Variants in FOXO1 observed in about 807,000 individuals in gnomAD.
FOXO1 encodes the protein forkhead box O1.
FOXO1 carries 6 observed loss-of-function variants against 44.1 expected under a neutral mutation model. The observed-to-expected ratio is 0.14, with a 90% CI of 0.07 to 0.27. The LOEUF (loss-of-function observed/expected upper bound fraction) is 0.27, where lower values mean the gene tolerates loss of function less well. Ranked by LOEUF, FOXO1 falls within the 10% of genes least tolerant of loss-of-function variation. The probability of loss-of-function intolerance (pLI) is 1.00; values close to 1 mark genes in which losing one functional copy is unlikely to be tolerated. For missense variants in FOXO1, 737 were observed against 888.8 expected (o/e 0.83, Z 2.17); for synonymous variants, 380 against 362.7 (o/e 1.05, Z -0.54).
intron 1 of FOXO1, among the ~76,000 whole-genome samples, chr13:40,664,616 A>C (rs1264213866): frequency 1.3e-5 from 2 of 152,084 alleles, no homozygotes; most frequent in Non-Finnish European, 2.9e-5. Context: ...GTGGCAAGGC[A>C]GGAAAAGACT....
chr13:40,597,284 C>T (rs1566071070), intron 1 of FOXO1, among the ~76,000 whole-genome samples: 1 of 152,188 alleles, frequency 6.6e-6, no homozygotes, highest in Non-Finnish European at 1.5e-5. Context: ...AAGACAAAGG[C>T]TATTGGAGTT....
intron 1 of FOXO1, among the ~76,000 whole-genome samples, chr13:40,589,015 GA>G (rs1875275203): frequency 6.6e-6 from 1 of 152,130 alleles, no homozygotes; most frequent in Admixed American, 6.5e-5. Flanking sequence ...TGAGGCACAA[GA>G]ATCACTTGAA....
chr13:40,648,526 G>GC (rs1329170543), intron 1 of FOXO1, among the ~76,000 whole-genome samples: 1 of 152,190 alleles, frequency 6.6e-6, no homozygotes, highest in African/African-American at 2.4e-5. Context: ...TCCATAAAAA[G>GC]CATGTGCATT....
intron 1 of FOXO1, among the ~76,000 whole-genome samples, chr13:40,578,669 A>G (rs1231359244): frequency 6.6e-6 from 1 of 152,182 alleles, no homozygotes; most frequent in Non-Finnish European, 1.5e-5. Flanking sequence ...TCTACAAAAT[A>G]ATGGTTCCTT....
At chr13:40,637,443 CAAAAAAAAAAA>C (rs894457880) in intron 1 of FOXO1, among the ~76,000 whole-genome samples, 1 of 52,578 alleles carries the variant, frequency 1.9e-5, no homozygotes, top group Non-Finnish European at 3.7e-5. Flanking sequence ...GACTCCATCA[CAAAAAAAAAAA>C]AAAAAAAAAA....
chr13:40,666,078 C>G lies in FOXO1; in HGVS notation c.135G>C (p.Ser45=). Reference sequence around the variant, plus strand: ...CGTCGGGGTTGGCAGCCGCGCTGCCCGACGGCGCCGGGCTGGAGGTGGCCG... The same window carrying G: ...CGTCGGGGTTGGCAGCCGCGCTGCCGGACGGCGCCGGGCTGGAGGTGGCCG... ...SNSATSSPAP[S]GSAAANPDAA... Residue 45 remains serine, a synonymous_variant, in exon 1 of 3, where the codon TCG becomes TCC. Transcript: ENST00000379561. The G allele has an allele frequency of 7.5e-7, 1 of 1,338,724 alleles. No individual in the cohort carries two copies. Among genetic ancestry groups the G allele is most frequent in the Non-Finnish European group, 9.6e-7 (1 of 1,046,870 alleles). The allele number at this position is 1,338,724 out of a possible 1,614,324, so 82.9% of individuals were successfully genotyped here.
At chr13:40,640,801 G>GTTGTT (rs1566082743) in intron 1 of FOXO1, among the ~76,000 whole-genome samples, 2 of 136,568 alleles carry the variant, frequency 1.5e-5, no homozygotes, top group African/African-American at 5.9e-5. Context: ...GTTGTTGTTT[G>GTTGTT]AGACAGAGTT....
chr13:40,563,953 A>G (rs1874154523), intron 1 of FOXO1, among the ~76,000 whole-genome samples: 1 of 152,200 alleles, frequency 6.6e-6, no homozygotes, highest in South Asian at 2.1e-4. Context: ...ATATTCCATC[A>G]TGACAGTTTT....
intron 1 of FOXO1, among the ~76,000 whole-genome samples, chr13:40,643,448 G>A (rs527436867): frequency 4.0e-5 from 6 of 151,790 alleles, no homozygotes; most frequent in South Asian, 4.2e-4. Context: ...ATTTCCTCCC[G>A]AGTACAGCTA....
intron 1 of FOXO1, among the ~76,000 whole-genome samples, chr13:40,612,722 ATC>A (rs924888502): frequency 6.6e-6 from 1 of 152,162 alleles, no homozygotes; most frequent in Non-Finnish European, 1.5e-5. Context: ...AACCACATTC[ATC>A]TATCTTTTAT....
At chr13:40,631,203 T>C (rs1323705250) in intron 1 of FOXO1, among the ~76,000 whole-genome samples, 3 of 152,170 alleles carry the variant, frequency 2.0e-5, no homozygotes. Flanking sequence ...GTATTTATGC[T>C]GCAACTTTTC....
intron 1 of FOXO1, among the ~76,000 whole-genome samples, chr13:40,570,502 G>A (rs1173130130): frequency 1.3e-5 from 2 of 152,114 alleles, no homozygotes; most frequent in East Asian, 3.8e-4. Context: ...AACGGAGGAT[G>A]TTCTCTGGTT....
intron 1 of FOXO1, among the ~76,000 whole-genome samples, chr13:40,625,243 T>C (rs1368219841): frequency 6.6e-6 from 1 of 152,238 alleles, no homozygotes; most frequent in Non-Finnish European, 1.5e-5. Flanking sequence ...TGATAATTTA[T>C]TGTGACCTAG....
chr13:40,628,952 TA>T lies in FOXO1; in HGVS notation c.630+36630del, dbSNP rs1288068188. ...TATTTTTACAAGTGCATCTCGGGAA[TA>T]AAATACACTTACCCAAACTCCCAAA... is the stretch of plus-strand genomic sequence containing the variant. On this transcript the variant is annotated intron_variant, in intron 1 of 2. Coordinates refer to ENST00000379561, the MANE Select transcript of FOXO1 (RefSeq NM_002015.4). 2.0e-5 allele frequency among the ~76,000 whole-genome samples: 3 copies of T among 152,098 alleles called. No homozygotes were observed. The East Asian group carries it at 5.8e-4, about 29-fold the overall frequency.
chr13:40,592,721 A>C (rs1044783258), intron 1 of FOXO1, among the ~76,000 whole-genome samples: 1 of 152,208 alleles, frequency 6.6e-6, no homozygotes, highest in African/African-American at 2.4e-5. Flanking sequence ...AACAGAATTT[A>C]AATTACTCCC....
chr13:40,657,066 T>C (rs1339883060), intron 1 of FOXO1, among the ~76,000 whole-genome samples: 1 of 152,064 alleles, frequency 6.6e-6, no homozygotes, highest in Non-Finnish European at 1.5e-5. Context: ...ATCTCCTGAC[T>C]TCGCACTCAG....
intron 1 of FOXO1, among the ~76,000 whole-genome samples, chr13:40,623,302 G>A (rs1156304724): frequency 6.6e-6 from 1 of 152,076 alleles, no homozygotes; most frequent in Non-Finnish European, 1.5e-5. Flanking sequence ...GGTCCGTGTG[G>A]GGCATTAGTT....
At chr13:40,597,550 C>T (rs573873962) in intron 1 of FOXO1, among the ~76,000 whole-genome samples, 3 of 152,320 alleles carry the variant, frequency 2.0e-5, no homozygotes, top group Non-Finnish European at 2.9e-5. Flanking sequence ...ATGGCTTCAA[C>T]AAGGTCCTGT....
intron 1 of FOXO1, among the ~76,000 whole-genome samples, chr13:40,622,579 G>T (rs1876652097): frequency 6.6e-6 from 1 of 152,046 alleles, no homozygotes; most frequent in African/African-American, 2.4e-5. Context: ...TCTTTCCCAA[G>T]CCAAAGAAAA....
Sources: allele counts gnomAD v4.1 joint callset (sites outside exome capture counted in the v4.1 genomes callset), GRCh38; gene constraint gnomAD v4.1.1; transcripts MANE v1.5; gene names NCBI Gene and HGNC (gene_info 2026-07-23, HGNC 2026-07-21).